The following XYLT1 variants were observed in gnomAD, a reference collection of about 807,000 sequenced individuals.
The protein encoded by XYLT1 is beta-D-xylosyltransferase 1.
Under a neutral mutation model 91.3 loss-of-function variants are expected in XYLT1, and 36 were observed. The ratio of observed to expected loss-of-function variants is 0.39; its 90% CI spans 0.30 to 0.52. XYLT1 has a LOEUF of 0.52. Ranked by LOEUF, XYLT1 falls within the 20% of genes least tolerant of loss-of-function variation. The pLI is 0.68. For missense variants in XYLT1, 1,242 were observed against 1,284.5 expected (o/e 0.97, Z 0.51); for synonymous variants, 588 against 532.0 (o/e 1.11, Z -1.45).
chr16:17,167,106 T>C (rs2031704916), intron 5 of XYLT1, among the ~76,000 whole-genome samples: 1 of 152,220 alleles, frequency 6.6e-6, no homozygotes, highest in Non-Finnish European at 1.5e-5. Flanking sequence ...CCAGGTCTTA[T>C]GAGTGGTGGA....
Position 17,452,415 on chromosome 16 carries a change from G to A in XYLT1, c.363+18019C>T, listed in dbSNP as rs562659670. Among the ~76,000 whole-genome samples, 184 of 151,202 alleles carry A rather than the reference G, an allele frequency of 1.2e-3. 1 individual carries two copies. The highest frequency in any genetic ancestry group is 4.0e-3 in the African/African-American group (164 of 41,282). On this transcript the variant is annotated intron_variant, in intron 1 of 11. Coordinates refer to ENST00000261381, the MANE Select transcript of XYLT1 (RefSeq NM_022166.4). ...AGGCAGGAGGGTGGCTTCAGACCAA[G>A]GAGTTCGAGACCATCCCAGCCTCAA...
chr16:17,232,686 T>C (rs933905262), intron 3 of XYLT1, among the ~76,000 whole-genome samples: 6 of 151,086 alleles, frequency 4.0e-5, no homozygotes, highest in Non-Finnish European at 8.8e-5. Context: ...AAAGAGATAA[T>C]AAGGTGGTGG....
intron 1 of XYLT1, among the ~76,000 whole-genome samples, chr16:17,439,411 A>G (rs1243388537): frequency 6.6e-6 from 1 of 152,212 alleles, no homozygotes; most frequent in African/African-American, 2.4e-5. Flanking sequence ...TTCTTGTTGG[A>G]TAGTGGAAAA....
rs549104121 is a variant in XYLT1, at chr16:17,134,600, C to T, written c.1900G>A (p.Val634Ile). The T allele has an allele frequency of 6.2e-7, 1 of 1,614,208 alleles. No homozygotes were observed. Among genetic ancestry groups the T allele is most frequent in the South Asian group, 1.1e-5 (1 of 91,084 alleles). Reference sequence around the variant, plus strand: ...TGGATGCCGTCAGGCTCATCGTAGACATTCTCCCAGTAGGAGCGCAGGCCC... The same window carrying T: ...TGGATGCCGTCAGGCTCATCGTAGATATTCTCCCAGTAGGAGCGCAGGCCC... ...TPGLRSYWEN[V>I]YDEPDGIHSL... Residue 634 changes from valine (V) to isoleucine (I), a missense_variant, in exon 9 of 12, where the codon GTC becomes ATC. By Grantham distance (29) the Val-to-Ile change is conservative. Coordinates refer to ENST00000261381, the MANE Select transcript of XYLT1 (RefSeq NM_022166.4).
intron 1 of XYLT1, among the ~76,000 whole-genome samples, chr16:17,458,894 A>G (rs1055550320): frequency 2.8e-4 from 43 of 152,058 alleles, no homozygotes; most frequent in African/African-American, 1.0e-3. Flanking sequence ...AGCGATTAAT[A>G]ATTTCTTTAA....
chr16:17,329,238 C>T (rs1477376774), intron 2 of XYLT1, among the ~76,000 whole-genome samples: 1 of 152,204 alleles, frequency 6.6e-6, no homozygotes, highest in Non-Finnish European at 1.5e-5. Context: ...GTTTATCAAG[C>T]CCTGCTCTGC....
intron 3 of XYLT1, among the ~76,000 whole-genome samples, chr16:17,248,920 T>G (rs2033490255): frequency 6.6e-6 from 1 of 151,878 alleles, no homozygotes; most frequent in Non-Finnish European, 1.5e-5. Flanking sequence ...AGAGATGGGG[T>G]TTCACTATGT....
intron 5 of XYLT1, among the ~76,000 whole-genome samples, chr16:17,168,186 C>A (rs918946697): frequency 2.6e-5 from 4 of 152,158 alleles, no homozygotes; most frequent in Admixed American, 2.6e-4. Flanking sequence ...GACATGGGAT[C>A]GATATAGGTG....
intron 3 of XYLT1, among the ~76,000 whole-genome samples, chr16:17,209,445 AATGTTG>A (rs1244564483): frequency 6.8e-6 from 1 of 146,534 alleles, no homozygotes; most frequent in East Asian, 2.2e-4. Context: ...TGTTATGAAT[AATGTTG>A]CTCTGAACAT....
At chr16:17,437,557 T>C (rs1216354078) in intron 1 of XYLT1, among the ~76,000 whole-genome samples, 1 of 152,174 alleles carries the variant, frequency 6.6e-6, no homozygotes, top group Non-Finnish European at 1.5e-5. Flanking sequence ...TACATTGCAA[T>C]GCTCAGAGTT....
chr16:17,285,954 A>AAG (rs1460453575), intron 2 of XYLT1, among the ~76,000 whole-genome samples: 1 of 123,860 alleles, frequency 8.1e-6, no homozygotes, highest in Non-Finnish European at 1.8e-5. Flanking sequence ...GAGAGAGAGA[A>AAG]AGAGAGAGAG....
At position 17,428,767 on chromosome 16, in the gene XYLT1, C is replaced by T. The variant is rs116774370; in HGVS notation, c.363+41667G>A. ...ACCAAACTAGGTCTCTTTTTTCTTG[C>T]TTTCCTTTTATTTTTTGTTTCCAAA... On this transcript the variant is annotated intron_variant, in intron 1 of 11. Transcript: ENST00000261381. Among the ~76,000 whole-genome samples the T allele has an allele frequency of 1.1e-3, 172 of 152,224 alleles. 1 individual carries two copies. The highest frequency in any genetic ancestry group is 4.0e-3 in the African/African-American group (168 of 41,516).
At chr16:17,456,332 C>CTTTTTTTTT (rs869026409) in intron 1 of XYLT1, among the ~76,000 whole-genome samples, 1 of 114,176 alleles carries the variant, frequency 8.8e-6, no homozygotes, top group African/African-American at 3.8e-5. Flanking sequence ...CAGTACAAAC[C>CTTTTTTTTT]TTTTTTTTTT....
intron 1 of XYLT1, among the ~76,000 whole-genome samples, chr16:17,421,624 G>C (rs1417838561): frequency 6.6e-6 from 1 of 152,146 alleles, no homozygotes; most frequent in Non-Finnish European, 1.5e-5. Context: ...GAGAGAAACA[G>C]ACAGAGGGGT....
intron 5 of XYLT1, chr16:17,193,464 T>C (rs1029202567): frequency 6.6e-6 from 1 of 152,186 alleles, no homozygotes; most frequent in African/African-American, 2.4e-5. Context: ...TAGTGACCAG[T>C]AAACACCAGT....
chr16:17,425,129 T>C (rs8047158), intron 1 of XYLT1, among the ~76,000 whole-genome samples: 78,852 of 152,046 alleles, frequency 0.52, 23,336 homozygotes, highest in African/African-American at 0.8. Flanking sequence ...TAAGGAGGAA[T>C]GGTCTTTAGC....
chr16:17,121,125 A>G (rs879459500), intron 10 of XYLT1, among the ~76,000 whole-genome samples: 13 of 152,204 alleles, frequency 8.5e-5, no homozygotes, highest in Non-Finnish European at 1.5e-4. Flanking sequence ...GATACTAACA[A>G]AACAGATGAA....
intron 1 of XYLT1, among the ~76,000 whole-genome samples, chr16:17,388,454 C>A (rs1226768475): frequency 6.6e-6 from 1 of 152,142 alleles, no homozygotes; most frequent in African/African-American, 2.4e-5. Context: ...GTTAAGGGAA[C>A]AAGCACGGTC....
rs143093215 is a variant in XYLT1, at chr16:17,109,670, T to C, written c.2558-653A>G. ...GCTGTGCCCATTTATTTGCATATTG[T>C]CTGTGGCTGCTTTTGTGCTACCAGA... On this transcript the variant is annotated intron_variant, in intron 11 of 11. Transcript: ENST00000261381. Among the ~76,000 whole-genome samples the C allele has an allele frequency of 8.1e-4, 124 of 152,350 alleles. 1 individual carries two copies. In the Middle Eastern group the frequency reaches 0.027, roughly 33 times the overall value.
Sources: gnomAD v4.1 joint callset for allele counts (sites outside exome capture counted in the v4.1 genomes callset) on GRCh38, gnomAD v4.1.1 for gene constraint, MANE v1.5 for transcripts, NCBI Gene and HGNC (gene_info 2026-07-23, HGNC 2026-07-21) for gene names.